Variants in UBAC2 observed in about 807,000 individuals in gnomAD.
UBAC2 encodes the protein UBA domain containing 2.
In UBAC2, 26 loss-of-function variants were observed where a neutral mutation model predicts 44.0. The observed-to-expected ratio is 0.59, with a 90% CI of 0.43 to 0.82. The LOEUF is 0.82. Ranked by LOEUF, UBAC2 falls within the 40% of genes least tolerant of loss-of-function variation. The pLI is 0.00. For missense variants in UBAC2, 329 were observed against 419.4 expected (o/e 0.78, Z 1.88); for synonymous variants, 155 against 154.3 (o/e 1.00, Z -0.04).
intron 8 of UBAC2, among the ~76,000 whole-genome samples, chr13:99,374,827 T>C (rs1043335948): frequency 3.3e-5 from 5 of 152,190 alleles, no homozygotes; most frequent in African/African-American, 7.2e-5. Flanking sequence ...GCTGGGGCCA[T>C]GTCTGCCTTG....
chr13:99,369,935 G>T lies in UBAC2; in HGVS notation c.927+2029G>T, dbSNP rs1248590891. 2.0e-5 allele frequency among the ~76,000 whole-genome samples: 3 copies of T among 152,172 alleles called. No individual in the cohort carries two copies. In the East Asian group the frequency reaches 5.8e-4, roughly 29 times the overall value. On this transcript the variant is annotated intron_variant, in intron 8 of 8. Transcript: ENST00000403766. ...ACATTCTGTAAAATACCTGGTCTAT[G>T]TTCTTCAAAAATACGATGTTCCAGA...
At chr13:99,356,468 T>C (rs1375585686) in intron 7 of UBAC2, among the ~76,000 whole-genome samples, 1 of 152,240 alleles carries the variant, frequency 6.6e-6, no homozygotes, top group East Asian at 1.9e-4. Context: ...CGTATTGCCA[T>C]GGAAACTGCC....
chr13:99,364,619 G>A (rs2045307419), intron 7 of UBAC2, among the ~76,000 whole-genome samples: 1 of 152,020 alleles, frequency 6.6e-6, no homozygotes, highest in Admixed American at 6.5e-5. Flanking sequence ...TTCACCTGTA[G>A]GTTTTTGGTG....
chr13:99,348,236 A>C (rs186290737), intron 7 of UBAC2, among the ~76,000 whole-genome samples: 1 of 152,328 alleles, frequency 6.6e-6, no homozygotes, highest in East Asian at 1.9e-4. Flanking sequence ...GAGGGATTAA[A>C]TAAGACGCCG....
chr13:99,216,834 C>T (rs796779122), intron 1 of UBAC2, among the ~76,000 whole-genome samples: 11 of 140,640 alleles, frequency 7.8e-5, no homozygotes, highest in East Asian at 4.1e-4. Flanking sequence ...TTTCTTTTTT[C>T]TTTTTTTTTT....
rs1044820344 is a variant in UBAC2, at chr13:99,243,985, G to C, written c.279+34G>C. On this transcript the variant is annotated intron_variant, in intron 3 of 8. Coordinates refer to ENST00000403766, the MANE Select transcript of UBAC2 (RefSeq NM_001144072.2). ...TTATGTATTTTGTCTTTGCTACTTA[G>C]GCTGTAGAAAAAAATTTTGTTTAAA... The C allele has an allele frequency of 6.8e-6, 10 of 1,474,624 alleles. No homozygotes were observed. The African/African-American group carries it at 1.4e-4, about 21-fold the overall frequency. 91.3% of individuals were successfully genotyped at this position (1,474,624 alleles called of 1,614,324 possible). A position where few individuals can be genotyped will look rare whatever the true frequency, so the allele number is the denominator to read the frequency against.
rs745476205 is a variant in UBAC2 at position 99,314,197 on chromosome 13, T to C, written c.490T>C (p.Leu164=). ...LGPLSITNKT[L]IYILGLQLFT... is the part of the protein sequence containing the mutation. ...TCCGTTGTCCATCACAAACAAGACA[T>C]TGATTTATATATTGGGACTGCAGGT... The change falls in exon 5 of 9, where the codon TTG becomes CTG. Residue 164 remains leucine (L), a synonymous_variant. Coordinates refer to ENST00000403766, the MANE Select transcript of UBAC2 (RefSeq NM_001144072.2). The C allele has an allele frequency of 1.5e-5, 25 of 1,613,578 alleles. No individual in the cohort carries two copies. Among genetic ancestry groups the C allele is most frequent in the Non-Finnish European group, 2.1e-5 (25 of 1,179,848 alleles).
At chr13:99,288,971 T>G (rs1382621521) in intron 4 of UBAC2, among the ~76,000 whole-genome samples, 1 of 152,198 alleles carries the variant, frequency 6.6e-6, no homozygotes, top group Non-Finnish European at 1.5e-5. Flanking sequence ...GAGTTTATGT[T>G]TCATTTGAGG....
intron 5 of UBAC2, 40 bp downstream of exon 5, chr13:99,314,260 A>AACT: frequency 8.0e-7 from 1 of 1,245,012 alleles, no homozygotes; most frequent in Non-Finnish European, 1.0e-6. Context: ...CTTTAACCAG[A>AACT]TCTTTTTTTT....
At chr13:99,318,547 G>A (rs1489997958) in intron 6 of UBAC2, among the ~76,000 whole-genome samples, 5 of 150,480 alleles carry the variant, frequency 3.3e-5, no homozygotes, top group Non-Finnish European at 7.4e-5. Context: ...ACGGCCAGGC[G>A]CAGTGACTCA....
At chr13:99,305,354 G>A (rs2044317115) in intron 4 of UBAC2, among the ~76,000 whole-genome samples, 2 of 151,580 alleles carry the variant, frequency 1.3e-5, no homozygotes, top group Admixed American at 6.6e-5. Context: ...CCCCCAGACT[G>A]GAGAACACCA....
At chr13:99,298,822 AAG>A (rs1341093915) in intron 4 of UBAC2, among the ~76,000 whole-genome samples, 1 of 152,324 alleles carries the variant, frequency 6.6e-6, no homozygotes, top group African/African-American at 2.4e-5. Context: ...GACTAGACAC[AAG>A]AGAGAGGTGA....
chr13:99,221,098 T>C lies in UBAC2; in HGVS notation c.32-17329T>C, dbSNP rs77123877. On this transcript the variant is annotated intron_variant, in intron 1 of 8. Coordinates refer to ENST00000403766, the MANE Select transcript of UBAC2 (RefSeq NM_001144072.2). ...TTGAATATTATCCCATTTTTATGGATAGAACATAATTTACCCATTTCCCAA... is the reference window on the plus strand; with the variant it reads ...TTGAATATTATCCCATTTTTATGGACAGAACATAATTTACCCATTTCCCAA... Among the ~76,000 whole-genome samples the C allele has an allele frequency of 4.1e-3, 619 of 152,344 alleles. 2 individuals are homozygous for C. The highest frequency in any genetic ancestry group is 7.3e-3 in the Non-Finnish European group (499 of 68,034).
intron 4 of UBAC2, among the ~76,000 whole-genome samples, chr13:99,288,495 GCTT>G (rs1382048354): frequency 6.6e-6 from 1 of 152,174 alleles, no homozygotes; most frequent in African/African-American, 2.4e-5. Flanking sequence ...CTCTTAAACA[GCTT>G]CTTCTTTCTA....
intron 1 of UBAC2, among the ~76,000 whole-genome samples, chr13:99,228,447 C>T (rs1291775898): frequency 6.6e-6 from 1 of 151,988 alleles, no homozygotes; most frequent in Non-Finnish European, 1.5e-5. Context: ...CCGCACCCCA[C>T]CACGCCCGGC....
chr13:99,242,514 C>T (rs1323930784), intron 2 of UBAC2, among the ~76,000 whole-genome samples: 3 of 144,094 alleles, frequency 2.1e-5, no homozygotes, highest in East Asian at 2.1e-4. Context: ...GGCTGCCCCC[C>T]CCACCTCCCT....
At chr13:99,202,064 C>G (rs960769012) in intron 1 of UBAC2, among the ~76,000 whole-genome samples, 2 of 128,940 alleles carry the variant, frequency 1.6e-5, no homozygotes, top group African/African-American at 6.0e-5. Context: ...CAAAGCGAGA[C>G]TCCATCTCAA....
chr13:99,271,912 TG>T (rs1566479505), intron 4 of UBAC2, among the ~76,000 whole-genome samples: 1 of 152,170 alleles, frequency 6.6e-6, no homozygotes, highest in African/African-American at 2.4e-5. Context: ...ACCATTCAAG[TG>T]GGGGTAAATC....
At chr13:99,283,732 TTTTTTTTTTTTTTTTTTTTTG>T (rs2043983075) in intron 4 of UBAC2, among the ~76,000 whole-genome samples, 1 of 112,238 alleles carries the variant, frequency 8.9e-6, no homozygotes, top group African/African-American at 3.9e-5. Flanking sequence ...TTTTTTTTTT[TTTTTTTTTTTTTTTTTTTTTG>T]AGACTGAGTC....
Sources: gnomAD v4.1 joint callset for allele counts (sites outside exome capture counted in the v4.1 genomes callset) on GRCh38, gnomAD v4.1.1 for gene constraint, MANE v1.5 for transcripts, NCBI Gene and HGNC (gene_info 2026-07-23, HGNC 2026-07-21) for gene names.